NIPAL2: variants seen among roughly 807,000 people sequenced by gnomAD.
The protein encoded by NIPAL2 is NIPA like domain containing 2.
A neutral mutation model predicts 48.9 loss-of-function variants in NIPAL2; 43 were observed. The observed-to-expected ratio is 0.88, with a 90% CI of 0.69 to 1.13. NIPAL2 has a LOEUF of 1.13. Ranked by LOEUF, NIPAL2 falls within the 50% of genes most tolerant of loss-of-function variation. The probability of loss-of-function intolerance (pLI) is 0.00; values close to 1 mark genes in which losing one functional copy is unlikely to be tolerated. For synonymous variants in NIPAL2, 167 were observed against 174.6 expected, an observed-to-expected ratio of 0.96 and a Z score of 0.34; for missense variants, 446 against 461.4, an observed-to-expected ratio of 0.97 and a Z score of 0.31.
At chr8:98,213,233 C>T (rs778255746) in intron 5 of NIPAL2, among the ~76,000 whole-genome samples, 1 of 152,170 alleles carries the variant, frequency 6.6e-6, no homozygotes, top group African/African-American at 2.4e-5. Context: ...GGAACCACTA[C>T]ACGGAAAATC....
At chr8:98,205,279 A>C (rs769173914) in intron 6 of NIPAL2, 33 bp from the exon 7 acceptor site, 1 of 1,573,790 alleles carries the variant, frequency 6.4e-7, no homozygotes, top group African/African-American at 1.4e-5. Context: ...CAAATAAAGA[A>C]CATATTTCAG....
chr8:98,219,824 C>T (rs1297744583), intron 5 of NIPAL2, among the ~76,000 whole-genome samples: 3 of 152,156 alleles, frequency 2.0e-5, no homozygotes, highest in South Asian at 2.1e-4. Context: ...AGCCACATAA[C>T]GCAGTGCTGT....
intron 6 of NIPAL2, among the ~76,000 whole-genome samples, chr8:98,208,454 A>C (rs747469088): frequency 2.4e-4 from 36 of 151,994 alleles, no homozygotes; most frequent in Admixed American, 1.6e-3. Context: ...GCGTTAGAGT[A>C]CTTTTTTTTT....
chr8:98,289,985 C>T (rs1249467549), intron 1 of NIPAL2, among the ~76,000 whole-genome samples: 1 of 152,162 alleles, frequency 6.6e-6, no homozygotes, highest in African/African-American at 2.4e-5. Flanking sequence ...ATCATTTTCC[C>T]CTCGCATGGA....
chr8:98,243,395 C>T (rs1378021382), intron 3 of NIPAL2, among the ~76,000 whole-genome samples: 1 of 152,112 alleles, frequency 6.6e-6, no homozygotes, highest in African/African-American at 2.4e-5. Context: ...CGGTGCCTTC[C>T]AAACCATGTC....
chr8:98,232,210 A>G (rs1433440694), intron 4 of NIPAL2, among the ~76,000 whole-genome samples: 1 of 152,214 alleles, frequency 6.6e-6, no homozygotes, highest in African/African-American at 2.4e-5. Flanking sequence ...AGGCAAGGGT[A>G]TAGAATAGGT....
At position 98,270,914 on chromosome 8, in the gene NIPAL2, A is replaced by T. The variant is rs1815085356; in HGVS notation, c.136-16827T>A. On this transcript the variant is annotated intron_variant, in intron 1 of 10. Coordinates refer to ENST00000430223, the MANE Select transcript of NIPAL2 (RefSeq NM_001321635.2). Reference sequence around the variant, plus strand: ...GAGAGGTGCAGTTTTATTCTTCTGCATTTGGTTAGCCAGTTTTTCCAGAAC... The same window carrying T: ...GAGAGGTGCAGTTTTATTCTTCTGCTTTTGGTTAGCCAGTTTTTCCAGAAC... Among the ~76,000 whole-genome samples, 2 of 152,132 alleles carry T rather than the reference A, an allele frequency of 1.3e-5. 1 individual carries two copies. Among genetic ancestry groups the T allele is most frequent in the South Asian group, 4.1e-4 (2 of 4,822 alleles).
chr8:98,224,919 G>A (rs952365568), intron 4 of NIPAL2, among the ~76,000 whole-genome samples: 1 of 151,816 alleles, frequency 6.6e-6, no homozygotes, highest in African/African-American at 2.4e-5. Context: ...ACCACGCCCA[G>A]CTAATTTTTG....
intron 1 of NIPAL2, among the ~76,000 whole-genome samples, chr8:98,290,056 A>C (rs184999449): frequency 6.6e-6 from 1 of 152,330 alleles, no homozygotes; most frequent in African/African-American, 2.4e-5. Context: ...ATGGAATAAA[A>C]GTAGTTTTGC....
At chr8:98,265,219 G>A (rs1442946277) in intron 1 of NIPAL2, among the ~76,000 whole-genome samples, 2 of 151,250 alleles carry the variant, frequency 1.3e-5, no homozygotes, top group African/African-American at 2.4e-5. Context: ...ACATAGGCAT[G>A]GGCAAGGACT....
At chr8:98,277,958 T>C (rs1275369213) in intron 1 of NIPAL2, among the ~76,000 whole-genome samples, 14 of 152,246 alleles carry the variant, frequency 9.2e-5, no homozygotes, top group Admixed American at 9.2e-4. Context: ...AGTGTCCTTC[T>C]TCCTGAAGAA....
intron 8 of NIPAL2, among the ~76,000 whole-genome samples, chr8:98,196,258 G>A (rs1180880707): frequency 6.6e-6 from 1 of 152,148 alleles, no homozygotes; most frequent in Non-Finnish European, 1.5e-5. Context: ...ACATATATTT[G>A]CAAGCAGAAA....
At chr8:98,241,926 C>A (rs1813001769) in intron 3 of NIPAL2, among the ~76,000 whole-genome samples, 1 of 152,050 alleles carries the variant, frequency 6.6e-6, no homozygotes, top group Admixed American at 6.6e-5. Context: ...AAGTTTATTA[C>A]ACAATGTCAC....
At position 98,252,517 on chromosome 8, in the gene NIPAL2, A is replaced by G; in HGVS notation, c.322T>C (p.Tyr108His). The change falls in exon 3 of 11, where the codon TAT (tyrosine) becomes CAT (histidine). Residue 108 changes from tyrosine to histidine, a missense_variant. Coordinates refer to ENST00000430223, the MANE Select transcript of NIPAL2 (RefSeq NM_001321635.2). Reference protein sequence around the residue: ...AVGETGNFAAYGFAPITLIAP... With the variant: ...AVGETGNFAAHGFAPITLIAP... ...ATCAGAGTAATGGGAGCAAATCCAT[A>G]GGCTGCAAAGTTCCCCGTCTCTCCC... is the stretch of plus-strand genomic sequence containing the variant. 6.2e-7 allele frequency: 1 copy of G among 1,614,110 alleles called. No individual in the cohort carries two copies. Among genetic ancestry groups the G allele is most frequent in the South Asian group, 1.1e-5 (1 of 91,070 alleles).
At chr8:98,248,089 G>A (rs982367602) in intron 3 of NIPAL2, among the ~76,000 whole-genome samples, 18 of 152,296 alleles carry the variant, frequency 1.2e-4, no homozygotes, top group Middle Eastern at 3.4e-3. Flanking sequence ...AATGTATTTC[G>A]TGTTGGTAGG....
At chr8:98,202,729 G>A (rs935988033) in intron 8 of NIPAL2, among the ~76,000 whole-genome samples, 59 of 152,128 alleles carry the variant, frequency 3.9e-4, no homozygotes, top group African/African-American at 1.2e-3. Context: ...AAATTACTCC[G>A]TCTCAGGTAT....
At chr8:98,245,472 T>C (rs185489502) in intron 3 of NIPAL2, among the ~76,000 whole-genome samples, 1 of 152,314 alleles carries the variant, frequency 6.6e-6, no homozygotes, top group East Asian at 1.9e-4. Context: ...ATTAAAAAAA[T>C]TGCTATTGTC....
At chr8:98,214,930 T>C (rs1322206466) in intron 5 of NIPAL2, among the ~76,000 whole-genome samples, 1 of 152,228 alleles carries the variant, frequency 6.6e-6, no homozygotes, top group African/African-American at 2.4e-5. Flanking sequence ...ATCAAAACAT[T>C]GGGTGTCCTA....
chr8:98,191,304 T>C lies in NIPAL2; in HGVS notation c.*1674A>G, dbSNP rs1810297267. The C allele has an allele frequency of 6.6e-6, 1 of 152,230 alleles. No individual in the cohort carries two copies. Among genetic ancestry groups the C allele is most frequent in the Non-Finnish European group, 1.5e-5 (1 of 68,042 alleles). The allele number at this position is 152,230 out of a possible 1,614,324, so 9.4% of individuals were successfully genotyped here. On this transcript the variant is annotated 3_prime_UTR_variant, in exon 11 of 11. Coordinates refer to ENST00000430223, the MANE Select transcript of NIPAL2 (RefSeq NM_001321635.2). ...CCAGATACATTTCTTGGCTGAGCCT[T>C]GTAGGACCAATATGCTGGACCAATT...
Sources: gnomAD v4.1 joint callset for allele counts (sites outside exome capture counted in the v4.1 genomes callset) on GRCh38, gnomAD v4.1.1 for gene constraint, MANE v1.5 for transcripts, NCBI Gene and HGNC (gene_info 2026-07-23, HGNC 2026-07-21) for gene names.